The following KCNIP4 variants were observed in gnomAD, a reference collection of about 807,000 sequenced individuals.
KCNIP4 encodes Kv channel-interacting protein 4.
In KCNIP4, 12 loss-of-function variants were observed where a neutral mutation model predicts 34.0. The observed-to-expected ratio is 0.35, with a 90% CI of 0.23 to 0.57. The LOEUF is 0.57. Ranked by LOEUF, KCNIP4 falls within the 20% of genes least tolerant of loss-of-function variation. KCNIP4 has a pLI of 0.83. For synonymous variants in KCNIP4, 124 were observed against 102.2 expected, an observed-to-expected ratio of 1.21 and a Z score of -1.29; for missense variants, 238 against 311.7, an observed-to-expected ratio of 0.76 and a Z score of 1.78.
At chr4:20,930,018 A>G (rs532609377) in intron 1 of KCNIP4, among the ~76,000 whole-genome samples, 3 of 152,042 alleles carry the variant, frequency 2.0e-5, no homozygotes, top group African/African-American at 4.8e-5. Flanking sequence ...TAGAAAAAAA[A>G]TTCTTGAAAT....
At chr4:21,890,565 G>T (rs1513566) in intron 1 of KCNIP4, among the ~76,000 whole-genome samples, 3 of 151,758 alleles carry the variant, frequency 2.0e-5, no homozygotes, top group East Asian at 3.9e-4. Flanking sequence ...CCTTAAAAAT[G>T]TACAGGCAGC....
intron 1 of KCNIP4, among the ~76,000 whole-genome samples, chr4:21,691,783 C>A (rs1271846732): frequency 6.7e-6 from 1 of 150,350 alleles, no homozygotes; most frequent in Non-Finnish European, 1.5e-5. Flanking sequence ...ACTGCAACCT[C>A]CGCTTCCAGA....
intron 4 of KCNIP4, among the ~76,000 whole-genome samples, chr4:20,753,389 C>T (rs1753976325): frequency 6.6e-6 from 1 of 152,144 alleles, no homozygotes; most frequent in Non-Finnish European, 1.5e-5. Flanking sequence ...CTCGAGGTTA[C>T]ATACCTTGGT....
chr4:21,293,829 G>C (rs1442542189), intron 1 of KCNIP4, among the ~76,000 whole-genome samples: 1 of 152,258 alleles, frequency 6.6e-6, no homozygotes, highest in South Asian at 2.1e-4. Flanking sequence ...AATGGGAAGG[G>C]GTCCATGCAT....
intron 1 of KCNIP4, among the ~76,000 whole-genome samples, chr4:21,827,259 A>G (rs991273228): frequency 6.6e-6 from 1 of 152,058 alleles, no homozygotes; most frequent in Non-Finnish European, 1.5e-5. Context: ...AAAATCTACA[A>G]TATGCTCTAA....
At chr4:21,344,208 T>C (rs940026923) in intron 1 of KCNIP4, among the ~76,000 whole-genome samples, 2 of 151,894 alleles carry the variant, frequency 1.3e-5, no homozygotes, top group African/African-American at 4.8e-5. Flanking sequence ...CAAAAGGAAG[T>C]TGGGTGTTGG....
chr4:21,657,841 ATTT>A (rs34034617), intron 1 of KCNIP4, among the ~76,000 whole-genome samples: 43,837 of 145,240 alleles, frequency 0.3, 7,438 homozygotes, highest in East Asian at 0.7. Flanking sequence ...TTTAAACATA[ATTT>A]TTTTTTTTTT....
At chr4:20,846,586 T>C (rs1720410790) in intron 3 of KCNIP4, among the ~76,000 whole-genome samples, 1 of 152,110 alleles carries the variant, frequency 6.6e-6, no homozygotes, top group African/African-American at 2.4e-5. Context: ...GAAGAATTCC[T>C]AAACATCATC....
At chr4:21,174,712 C>T (rs976282880) in intron 1 of KCNIP4, among the ~76,000 whole-genome samples, 1 of 151,954 alleles carries the variant, frequency 6.6e-6, no homozygotes, top group African/African-American at 2.4e-5. Context: ...CAAGACCAGC[C>T]TGGCCAACAT....
intron 1 of KCNIP4, among the ~76,000 whole-genome samples, chr4:21,136,769 G>A (rs1751529333): frequency 6.6e-6 from 1 of 152,172 alleles, no homozygotes; most frequent in African/African-American, 2.4e-5. Flanking sequence ...GTGTCAGTCA[G>A]ACCCCAGAGT....
intron 1 of KCNIP4, among the ~76,000 whole-genome samples, chr4:21,252,759 T>C: frequency 7.6e-6 from 1 of 130,884 alleles, no homozygotes; most frequent in East Asian, 2.0e-4. Flanking sequence ...AAATCCTCTT[T>C]TTTTTTTTTT....
chr4:20,885,659 A>G (rs944256271), intron 1 of KCNIP4, among the ~76,000 whole-genome samples: 1 of 152,202 alleles, frequency 6.6e-6, no homozygotes, highest in African/African-American at 2.4e-5. Flanking sequence ...AATCAGCTCT[A>G]TCTGGGCAGC....
intron 1 of KCNIP4, among the ~76,000 whole-genome samples, chr4:21,211,528 G>A (rs1371392762): frequency 6.6e-6 from 1 of 152,030 alleles, no homozygotes; most frequent in Non-Finnish European, 1.5e-5. Context: ...TCTCTGAAGT[G>A]GAACAGTTTC....
intron 1 of KCNIP4, among the ~76,000 whole-genome samples, chr4:21,092,707 T>A (rs371049378): frequency 6.6e-6 from 1 of 152,200 alleles, no homozygotes; most frequent in East Asian, 1.9e-4. Flanking sequence ...AAGTCCCAGA[T>A]GAGGGGCAGG....
At chr4:20,970,492 G>A (rs184604680) in intron 1 of KCNIP4, among the ~76,000 whole-genome samples, 3 of 152,178 alleles carry the variant, frequency 2.0e-5, no homozygotes, top group Admixed American at 6.5e-5. Context: ...CAACTCTATG[G>A]TTCTCAATGA....
At chr4:21,685,237 C>G (rs973776080) in intron 1 of KCNIP4, among the ~76,000 whole-genome samples, 8 of 152,052 alleles carry the variant, frequency 5.3e-5, no homozygotes, top group Middle Eastern at 3.2e-3. Flanking sequence ...TACACTACAC[C>G]GATTTATAAG....
chr4:20,930,822 A>G (rs760310160), intron 1 of KCNIP4, among the ~76,000 whole-genome samples: 18 of 142,430 alleles, frequency 1.3e-4, no homozygotes, highest in Non-Finnish European at 2.8e-4. Context: ...CCCTTCACCC[A>G]TTAGGATGGC....
intron 1 of KCNIP4, among the ~76,000 whole-genome samples, chr4:21,053,024 CAT>C (rs1170473280): frequency 4.0e-5 from 6 of 150,988 alleles, no homozygotes; most frequent in East Asian, 1.9e-4. Context: ...CACACACACA[CAT>C]ACACACACAC....
At chr4:21,828,814 G>T (rs1035271159) in intron 1 of KCNIP4, among the ~76,000 whole-genome samples, 7 of 151,826 alleles carry the variant, frequency 4.6e-5, no homozygotes, top group African/African-American at 7.2e-5. Flanking sequence ...AAATGCCCAA[G>T]GAGAGTTTAC....
Sources: allele counts gnomAD v4.1 joint callset (sites outside exome capture counted in the v4.1 genomes callset), GRCh38; gene constraint gnomAD v4.1.1; transcripts MANE v1.5; gene names NCBI Gene and HGNC (gene_info 2026-07-23, HGNC 2026-07-21).